The following LEPROT variants were observed in gnomAD, a reference collection of about 807,000 sequenced individuals.
LEPROT encodes the protein leptin receptor overlapping transcript, also known as leptin receptor gene-related protein.
LEPROT carries 3 observed loss-of-function variants against 15.4 expected under a neutral mutation model. The observed-to-expected ratio is 0.19, with a 90% CI of 0.09 to 0.50. LEPROT has a LOEUF of 0.50. Among genes scored for constraint, LEPROT ranks in the 20% least tolerant of loss-of-function variants. The pLI is 0.97. For synonymous variants in LEPROT, 59 were observed against 57.5 expected (o/e 1.03, Z -0.12); for missense variants, 137 against 162.2 (o/e 0.84, Z 0.84).
rs764418179 is a variant in LEPROT at position 65,429,951 on chromosome 1, C to T, written c.182C>T (p.Ala61Val). The T allele has an allele frequency of 5.7e-6, 9 of 1,575,700 alleles. No individual in the cohort carries two copies. In the Admixed American group the frequency reaches 1.3e-4, roughly 24 times the overall value. Residue 61 changes from alanine (A) to valine (V), a missense_variant, in exon 3 of 4, where the codon GCA becomes GTA. Coordinates refer to ENST00000371065, the MANE Select transcript of LEPROT (RefSeq NM_017526.5). ...AAAAGAGTCACCTATGACTCAGATG[C>T]AACCAGTAGTGCCTGTCGGGAACTG... ...IAKRVTYDSD[A>V]TSSACRELAY...
rs528551367 is a variant in LEPROT, at chr1:65,435,398, C to T, written c.*3479C>T. The T allele has an allele frequency of 4.8e-5, 41 of 845,712 alleles. No individual in the cohort carries two copies. The highest frequency in any genetic ancestry group is 6.4e-4 in the Middle Eastern group (1 of 1,562). 52.4% of individuals were successfully genotyped at this position (845,712 alleles called of 1,614,324 possible). On this transcript the variant is annotated 3_prime_UTR_variant, in exon 4 of 4. Transcript: ENST00000371065. ...TTTTTTTTTTTTTGAGGCAGAGTCT[C>T]GCTCTGTTGCCCAGGCTGGAGTGCA...
At chr1:65,420,861 T>C in intron 1 of LEPROT, 121 bp downstream of exon 1, 1 of 1,246,836 alleles carries the variant, frequency 8.0e-7, no homozygotes. Flanking sequence ...TTCCCGCCTC[T>C]CCGGTTCGGG....
intron 2 of LEPROT, among the ~76,000 whole-genome samples, chr1:65,426,660 T>C (rs1031484990): frequency 6.6e-6 from 1 of 152,050 alleles, no homozygotes; most frequent in Non-Finnish European, 1.5e-5. Flanking sequence ...GAGGGAGAGT[T>C]CTTAGATGTC....
chr1:65,433,261 CA>C lies in LEPROT; in HGVS notation c.*1343del. 1.0e-6 allele frequency: 1 copy of C among 985,424 alleles called. No homozygotes were observed. The highest frequency in any genetic ancestry group is 1.1e-4 in the East Asian group (1 of 8,816). The allele number at this position is 985,424 out of a possible 1,614,324, so 61.0% of individuals were successfully genotyped here. A position where few individuals can be genotyped will look rare whatever the true frequency, so the allele number is the denominator to read the frequency against. ...GAGATATAGGAGCCATGTAAGCACG[CA>C]GTGGGTGAACTGCTTAATTTCACTA... is the stretch of plus-strand genomic sequence containing the variant. On this transcript the variant is annotated 3_prime_UTR_variant, in exon 4 of 4. Transcript: ENST00000371065.
rs1410483526 is a variant in LEPROT at position 65,435,239 on chromosome 1, C to T, written c.*3320C>T. On this transcript the variant is annotated 3_prime_UTR_variant, in exon 4 of 4. Transcript: ENST00000371065. Reference sequence around the variant, plus strand: ...ATTTTTCTTACTGTCCTAAGGAAGTCCTTACCTCTGAGGTATCTCCTCAAT... The same window carrying T: ...ATTTTTCTTACTGTCCTAAGGAAGTTCTTACCTCTGAGGTATCTCCTCAAT... The T allele has an allele frequency of 1.0e-6, 1 of 985,126 alleles. No individual in the cohort carries two copies. Among genetic ancestry groups the T allele is most frequent in the Non-Finnish European group, 1.2e-6 (1 of 829,806 alleles). The allele number at this position is 985,126 out of a possible 1,614,324, so 61.0% of individuals were successfully genotyped here.
At chr1:65,424,456 A>G (rs751650921) in intron 1 of LEPROT, among the ~76,000 whole-genome samples, 2 of 152,214 alleles carry the variant, frequency 1.3e-5, no homozygotes, top group Non-Finnish European at 2.9e-5. Context: ...ATGTGGACCA[A>G]CTGGCTGCCC....
chr1:65,424,674 A>C (rs1004633675), intron 1 of LEPROT, among the ~76,000 whole-genome samples: 1 of 152,242 alleles, frequency 6.6e-6, no homozygotes, highest in African/African-American at 2.4e-5. Flanking sequence ...TGGGAAGTCC[A>C]AAATTGTGGT....
At chr1:65,427,246 A>G (rs1646395662) in intron 2 of LEPROT, among the ~76,000 whole-genome samples, 1 of 152,158 alleles carries the variant, frequency 6.6e-6, no homozygotes, top group African/African-American at 2.4e-5. Context: ...ACCAAAGCCC[A>G]GGGTAGTTAA....
At chr1:65,430,181 C>T (rs1646459077) in intron 3 of LEPROT, 133 bp downstream of exon 3, 2 of 754,350 alleles carry the variant, frequency 2.7e-6, no homozygotes, top group Non-Finnish European at 3.9e-6. Flanking sequence ...TTCTCTGTTC[C>T]TCTACTTTAG....
chr1:65,427,918 G>A (rs1646411812), intron 2 of LEPROT: 1 of 190,648 alleles, frequency 5.2e-6, no homozygotes, highest in African/African-American at 2.3e-5. Context: ...TATCTTGATA[G>A]TGAACCAGGA....
chr1:65,426,430 G>A (rs537308544), intron 2 of LEPROT, among the ~76,000 whole-genome samples: 5 of 152,178 alleles, frequency 3.3e-5, no homozygotes, highest in African/African-American at 9.6e-5. Flanking sequence ...TCTTGAGAAT[G>A]GGTTTGGAGG....
chr1:65,432,839 G>A lies in LEPROT; in HGVS notation c.*920G>A, dbSNP rs1457628645. On this transcript the variant is annotated 3_prime_UTR_variant, in exon 4 of 4. Transcript: ENST00000371065. ...GTTCTCATAAAAAAGTTAAATATTT[G>A]AGATCATATGTTAATTAGTGTAATC... The A allele has an allele frequency of 1.6e-6, 1 of 644,468 alleles. No individual in the cohort carries two copies. Among genetic ancestry groups the A allele is most frequent in the African/African-American group, 2.0e-5 (1 of 50,534 alleles). 39.9% of individuals were successfully genotyped at this position (644,468 alleles called of 1,614,324 possible).
chr1:65,429,269 G>C (rs1486198956), intron 2 of LEPROT, among the ~76,000 whole-genome samples: 1 of 152,082 alleles, frequency 6.6e-6, no homozygotes, highest in African/African-American at 2.4e-5. Flanking sequence ...TGCAAGCAGG[G>C]GGCACAGCTA....
intron 2 of LEPROT, among the ~76,000 whole-genome samples, chr1:65,425,955 C>G (rs1646354283): frequency 6.6e-6 from 1 of 152,098 alleles, no homozygotes; most frequent in Non-Finnish European, 1.5e-5. Context: ...GTTATGGGAA[C>G]TAGGGATTAA....
rs1646520457 is a variant in LEPROT at position 65,433,747 on chromosome 1, T to C, written c.*1828T>C. ...AGATACTTTATAATTTTAACCGGCA[T>C]TTTTAATAATGACACTTGCATTTAT... On this transcript the variant is annotated 3_prime_UTR_variant, in exon 4 of 4. Coordinates refer to ENST00000371065, the MANE Select transcript of LEPROT (RefSeq NM_017526.5). 1.1e-6 allele frequency: 1 copy of C among 916,122 alleles called. No individual in the cohort carries two copies. 56.7% of individuals were successfully genotyped at this position (916,122 alleles called of 1,614,324 possible). A position where few individuals can be genotyped will look rare whatever the true frequency, so the allele number is the denominator to read the frequency against.
At chr1:65,422,693 C>G (rs965420035) in intron 1 of LEPROT, among the ~76,000 whole-genome samples, 2 of 152,198 alleles carry the variant, frequency 1.3e-5, no homozygotes, top group East Asian at 3.8e-4. Context: ...CGTGACATGG[C>G]GCAGGGCTTA....
In LEPROT at chr1:65,429,946, A is replaced by G. The variant is rs1477001718; in HGVS notation, c.177A>G (p.Ser59=). 1.3e-6 allele frequency: 2 copies of G among 1,572,424 alleles called. No homozygotes were observed. Among genetic ancestry groups the G allele is most frequent in the East Asian group, 2.3e-5 (1 of 43,934 alleles). ...HFIAKRVTYD[S]DATSSACREL... ...TTGCCAAAAGAGTCACCTATGACTC[A>G]GATGCAACCAGTAGTGCCTGTCGGG... Residue 59 remains serine, a synonymous_variant, in exon 3 of 4, where the codon TCA becomes TCG. Coordinates refer to ENST00000371065, the MANE Select transcript of LEPROT (RefSeq NM_017526.5).
Position 65,435,772 on chromosome 1 carries a change from C to G in LEPROT, c.*3853C>G. On this transcript the variant is annotated 3_prime_UTR_variant, in exon 4 of 4. Coordinates refer to ENST00000371065, the MANE Select transcript of LEPROT (RefSeq NM_017526.5). Reference sequence around the variant, plus strand: ...TCCAAGCATAGTAATTAGTTCACAACTGAGAAATATTATGTCTGTAGTAGA... The same window carrying G: ...TCCAAGCATAGTAATTAGTTCACAAGTGAGAAATATTATGTCTGTAGTAGA... 2 of 980,904 alleles carry G rather than the reference C, an allele frequency of 2.0e-6. No individual in the cohort carries two copies. Among genetic ancestry groups the G allele is most frequent in the Non-Finnish European group, 2.4e-6 (2 of 825,836 alleles). The allele number at this position is 980,904 out of a possible 1,614,324, so 60.8% of individuals were successfully genotyped here.
At chr1:65,430,113 G>A in intron 3 of LEPROT, 65 bp downstream of exon 3, 2 of 1,357,816 alleles carry the variant, frequency 1.5e-6, no homozygotes, top group South Asian at 1.7e-5. Flanking sequence ...CCTGTGTCTG[G>A]GACCTCCATT....
Sources: gnomAD v4.1 joint callset for allele counts (sites outside exome capture counted in the v4.1 genomes callset) on GRCh38, gnomAD v4.1.1 for gene constraint, MANE v1.5 for transcripts, NCBI Gene and HGNC (gene_info 2026-07-23, HGNC 2026-07-21) for gene names.